RNF217: variants seen among roughly 807,000 people sequenced by gnomAD.
RNF217 encodes the protein ring finger protein 217, also known as E3 ubiquitin-protein ligase RNF217.
Under a neutral mutation model 57.8 loss-of-function variants are expected in RNF217, and 31 were observed. The ratio of observed to expected loss-of-function variants is 0.54; its 90% CI spans 0.40 to 0.72. RNF217 has a LOEUF of 0.72. RNF217 is among the 30% of genes least tolerant of loss of function. The pLI is 0.00. For missense variants in RNF217, 696 were observed against 708.3 expected, an observed-to-expected ratio of 0.98 and a Z score of 0.20; for synonymous variants, 313 against 294.0, an observed-to-expected ratio of 1.06 and a Z score of -0.66.
intron 2 of RNF217, among the ~76,000 whole-genome samples, chr6:125,053,486 A>G (rs1366115925): frequency 6.6e-6 from 1 of 152,132 alleles, no homozygotes; most frequent in East Asian, 1.9e-4. Flanking sequence ...TTACACATGG[A>G]TGTTGTCTAA....
At chr6:125,065,620 T>G (rs1285752028) in intron 3 of RNF217, among the ~76,000 whole-genome samples, 1 of 152,186 alleles carries the variant, frequency 6.6e-6, no homozygotes, top group Non-Finnish European at 1.5e-5. Context: ...AATCCAGTGA[T>G]CTATGTAGAC....
intron 1 of RNF217, among the ~76,000 whole-genome samples, chr6:124,965,024 T>A (rs895325792): frequency 6.6e-6 from 1 of 152,232 alleles, no homozygotes; most frequent in African/African-American, 2.4e-5. Context: ...GCAGTTTGAT[T>A]TCCTTATGGT....
intron 1 of RNF217, among the ~76,000 whole-genome samples, chr6:125,039,740 C>A (rs1226935637): frequency 6.6e-6 from 1 of 152,172 alleles, no homozygotes; most frequent in Non-Finnish European, 1.5e-5. Context: ...GAAATCATAA[C>A]AGACAGTCTC....
rs532734522 is a variant in RNF217, at chr6:124,979,606, C to T, written c.882+16180C>T. 3.3e-5 allele frequency among the ~76,000 whole-genome samples: 5 copies of T among 152,282 alleles called. 1 individual carries two copies. In the South Asian group the frequency reaches 1.0e-3, roughly 32 times the overall value. On this transcript the variant is annotated intron_variant, in intron 1 of 5. Coordinates refer to ENST00000521654, the MANE Select transcript of RNF217 (RefSeq NM_001286398.3). ...AGAACTGAAGGAGGCAATGAGGTTG[C>T]AGCAGCACAGAGAGCAGAGGGGAAT...
intron 5 of RNF217, 112 bp from the exon 6 acceptor site, chr6:125,082,752 G>A (rs1209865163): frequency 8.7e-7 from 1 of 1,142,902 alleles, no homozygotes; most frequent in Non-Finnish European, 1.3e-6. Context: ...TAGCATAGAT[G>A]TCTTCTTCTT....
chr6:125,024,827 T>C (rs1786009301), intron 1 of RNF217, among the ~76,000 whole-genome samples: 1 of 151,494 alleles, frequency 6.6e-6, no homozygotes, highest in Non-Finnish European at 1.5e-5. Context: ...AGACATCAAG[T>C]AGGGAATTAA....
intron 1 of RNF217, among the ~76,000 whole-genome samples, chr6:124,996,833 A>C (rs1162720426): frequency 1.3e-5 from 2 of 152,210 alleles, no homozygotes; most frequent in Non-Finnish European, 2.9e-5. Flanking sequence ...TATATTACTT[A>C]TCTATTTTTT....
rs1582794205 is a variant in RNF217, at chr6:125,090,426, G to A, written c.*7489G>A. 6.6e-6 allele frequency: 1 copy of A among 151,882 alleles called. No homozygotes were observed. The highest frequency in any genetic ancestry group is 2.1e-4 in the South Asian group (1 of 4,808). 9.4% of individuals were successfully genotyped at this position (151,882 alleles called of 1,614,324 possible). Reference sequence around the variant, plus strand: ...TTATGAAACAAACATTTATATCAATGTATATCTATTTCAAAACTGTGGGAC... The same window carrying A: ...TTATGAAACAAACATTTATATCAATATATATCTATTTCAAAACTGTGGGAC... On this transcript the variant is annotated 3_prime_UTR_variant, in exon 6 of 6. Coordinates refer to ENST00000521654, the MANE Select transcript of RNF217 (RefSeq NM_001286398.3).
chr6:124,976,719 G>A (rs1401099473), intron 1 of RNF217, among the ~76,000 whole-genome samples: 1 of 151,772 alleles, frequency 6.6e-6, no homozygotes, highest in East Asian at 1.9e-4. Context: ...TGACCAGGCT[G>A]GTTTTGAACT....
At chr6:125,074,695 A>G (rs1007335138) in intron 3 of RNF217, among the ~76,000 whole-genome samples, 21 of 151,972 alleles carry the variant, frequency 1.4e-4, no homozygotes, top group Non-Finnish European at 1.5e-5. Flanking sequence ...CTCCATAATC[A>G]TTGACCAGTT....
At chr6:124,999,122 A>G (rs901558129) in intron 1 of RNF217, among the ~76,000 whole-genome samples, 1 of 152,198 alleles carries the variant, frequency 6.6e-6, no homozygotes. Context: ...ACTAGGAAAA[A>G]CATACTGTGT....
rs1478232429 is a variant in RNF217, at chr6:125,004,629, A to C, written c.883-40582A>C. On this transcript the variant is annotated intron_variant, in intron 1 of 5. Coordinates refer to ENST00000521654, the MANE Select transcript of RNF217 (RefSeq NM_001286398.3). ...TGGGAGAAGAACAAGGCTTCTAGTG[A>C]AGTGCTGTGAAGGCCTAAGTCTTTT... Among the ~76,000 whole-genome samples the C allele has an allele frequency of 2.6e-5, 4 of 152,356 alleles. No homozygotes were observed. In the East Asian group the frequency reaches 7.7e-4, roughly 29 times the overall value.
Position 125,086,860 on chromosome 6 carries a change from ACT to A in RNF217, c.*3926_*3927del, listed in dbSNP as rs1582791583. The A allele has an allele frequency of 1.3e-5, 2 of 151,978 alleles. No individual in the cohort carries two copies. The highest frequency in any genetic ancestry group is 4.8e-5 in the African/African-American group (2 of 41,388). The allele number at this position is 151,978 out of a possible 1,614,324, so 9.4% of individuals were successfully genotyped here. A position where few individuals can be genotyped will look rare whatever the true frequency, so the allele number is the denominator to read the frequency against. The stretch of plus-strand genomic sequence containing the variant: ...TTGTCAGAAAATACCTTGTTCTGTG[ACT>A]CTGACTATCTCTTGAGTCCCAAGGC... On this transcript the variant is annotated 3_prime_UTR_variant, in exon 6 of 6. Coordinates refer to ENST00000521654, the MANE Select transcript of RNF217 (RefSeq NM_001286398.3).
At chr6:125,064,716 TA>T (rs1787867980) in intron 3 of RNF217, among the ~76,000 whole-genome samples, 1 of 152,118 alleles carries the variant, frequency 6.6e-6, no homozygotes, top group Admixed American at 6.6e-5. Flanking sequence ...CTATCCTTTA[TA>T]TTTAATATTT....
rs1428990092 is a variant in RNF217, at chr6:125,082,890, C to T, written c.1582C>T (p.Leu528Phe). Reference sequence around the variant, plus strand: ...TTTATTTGTATTTCCTATCTATTGCCTTTGTAAAAAACAGAGAAAACGATC... The same window carrying T: ...TTTATTTGTATTTCCTATCTATTGCTTTTGTAAAAAACAGAGAAAACGATC... ...IGLFVFPIYC[L>F]CKKQRKRSRT... The change falls in exon 6 of 6, where the codon CTT becomes TTT. Residue 528 changes from leucine to phenylalanine, a missense_variant. By Grantham distance (22) the Leu-to-Phe change is conservative (BLOSUM62 0). Around this residue, in one of 2 missense-constraint regions of RNF217, gnomAD observed 231 missense variants for 321.4 expected, o/e 0.72. Coordinates refer to ENST00000521654, the MANE Select transcript of RNF217 (RefSeq NM_001286398.3). 1.2e-6 allele frequency: 2 copies of T among 1,603,950 alleles called. No individual in the cohort carries two copies. Among genetic ancestry groups the T allele is most frequent in the Admixed American group, 3.5e-5 (2 of 57,170 alleles).
chr6:124,962,754 G>C lies in RNF217; in HGVS notation c.210G>C (p.Ala70=). The part of the protein sequence containing the change: ...GCADTSAPEP[A]RSLGPPGWSK... ...CGGACACCAGCGCCCCAGAGCCCGCGAGGAGCCTGGGGCCCCCGGGCTGGA... is the reference window on the plus strand; with the variant it reads ...CGGACACCAGCGCCCCAGAGCCCGCCAGGAGCCTGGGGCCCCCGGGCTGGA... The change falls in exon 1 of 6, where the codon GCG becomes GCC. Residue 70 remains alanine (A), a synonymous_variant. Transcript: ENST00000521654. This position sits in a 1 kb window ranked among gnomAD's most constrained non-coding sequence, Gnocchi z 4.6. 2.5e-6 allele frequency: 4 copies of C among 1,589,826 alleles called. No homozygotes were observed. The highest frequency in any genetic ancestry group is 3.4e-6 in the Non-Finnish European group (4 of 1,176,690).
chr6:125,069,988 G>A (rs1562494654), intron 3 of RNF217, among the ~76,000 whole-genome samples: 1 of 151,940 alleles, frequency 6.6e-6, no homozygotes, highest in African/African-American at 2.4e-5. Context: ...ATTACATTAT[G>A]CCTCATCCCT....
chr6:125,031,671 A>C (rs773079880), intron 1 of RNF217, among the ~76,000 whole-genome samples: 15 of 152,152 alleles, frequency 9.9e-5, no homozygotes, highest in Non-Finnish European at 1.6e-4. Context: ...CTTCTTGTTC[A>C]TATCACTATA....
intron 1 of RNF217, among the ~76,000 whole-genome samples, chr6:124,975,797 A>G (rs1290881431): frequency 1.3e-5 from 2 of 152,140 alleles, no homozygotes; most frequent in Admixed American, 1.3e-4. Context: ...CTCTTGCCAG[A>G]GATGCTCTTG....
Sources: gnomAD v4.1 joint callset for allele counts (sites outside exome capture counted in the v4.1 genomes callset) on GRCh38, gnomAD v4.1.1 for gene constraint, gnomAD v4.1.1 regional missense constraint, Gnocchi (gnomAD v3.1) non-coding constraint, MANE v1.5 for transcripts, NCBI Gene and HGNC (gene_info 2026-07-23, HGNC 2026-07-21) for gene names.